The following TRPM3 variants were observed in gnomAD, a reference collection of about 807,000 sequenced individuals.
TRPM3 encodes long transient receptor potential channel 3.
Under a neutral mutation model 181.2 loss-of-function variants are expected in TRPM3, and 77 were observed. That is an observed-to-expected ratio of 0.42 (90% CI 0.35 to 0.51). TRPM3 has a LOEUF of 0.51. TRPM3 is among the 20% of genes least tolerant of loss of function. The pLI is 0.01. For missense variants in TRPM3, 1,759 were observed against 2,196.7 expected (o/e 0.80, Z 3.98); for synonymous variants, 745 against 796.4 (o/e 0.94, Z 1.09).
chr9:70,971,194 A>T (rs1018655877), intron 1 of TRPM3, among the ~76,000 whole-genome samples: 3 of 152,184 alleles, frequency 2.0e-5, no homozygotes, highest in Non-Finnish European at 4.4e-5. Flanking sequence ...CTGTATAATA[A>T]AAAATCCAAA....
chr9:71,358,057 T>G (rs1169528235), intron 1 of TRPM3, among the ~76,000 whole-genome samples: 2 of 152,136 alleles, frequency 1.3e-5, no homozygotes, highest in African/African-American at 4.8e-5. Flanking sequence ...TTTATTGTAT[T>G]TTAAGAGAAC....
chr9:71,147,761 A>C (rs1374707531), intron 1 of TRPM3, among the ~76,000 whole-genome samples: 1 of 152,156 alleles, frequency 6.6e-6, no homozygotes, highest in Non-Finnish European at 1.5e-5. Context: ...AGTTCTCAGA[A>C]ATAGAAAATG....
At chr9:71,232,644 G>C (rs147014395) in intron 1 of TRPM3, among the ~76,000 whole-genome samples, 373 of 151,942 alleles carry the variant, frequency 2.5e-3, no homozygotes, top group African/African-American at 8.6e-3. Flanking sequence ...GGGACTACAG[G>C]TGCATGCCAC....
In TRPM3 at chr9:70,532,223, C is replaced by G. The variant is rs2040978913; in HGVS notation, c.*3730G>C. 6.6e-6 allele frequency: 1 copy of G among 152,178 alleles called. No individual in the cohort carries two copies. Among genetic ancestry groups the G allele is most frequent in the Non-Finnish European group, 1.5e-5 (1 of 68,026 alleles). The allele number at this position is 152,178 out of a possible 1,614,324, so 9.4% of individuals were successfully genotyped here. ...AAACATTCAGGAAGATTAGACTGTACAGACTCAGAAAGTAAAAAAGTACTA... is the reference window on the plus strand; with the variant it reads ...AAACATTCAGGAAGATTAGACTGTAGAGACTCAGAAAGTAAAAAAGTACTA... On this transcript the variant is annotated 3_prime_UTR_variant, in exon 26 of 26. Coordinates refer to ENST00000677713, the MANE Select transcript of TRPM3 (RefSeq NM_001366145.2).
chr9:70,692,104 G>A (rs1054508561), intron 8 of TRPM3, among the ~76,000 whole-genome samples: 10 of 152,222 alleles, frequency 6.6e-5, no homozygotes, highest in Admixed American at 4.6e-4. Context: ...AGTTTGTGGG[G>A]GGAAGGGGAG....
At chr9:71,395,908 A>ACATT (rs1339092439) in intron 1 of TRPM3, among the ~76,000 whole-genome samples, 1 of 152,224 alleles carries the variant, frequency 6.6e-6, no homozygotes, top group Non-Finnish European at 1.5e-5. Flanking sequence ...TCTACTGGGT[A>ACATT]TGAATTTGGG....
intron 25 of TRPM3, among the ~76,000 whole-genome samples, chr9:70,538,800 AT>A (rs1224555102): frequency 6.6e-6 from 1 of 152,192 alleles, no homozygotes; most frequent in East Asian, 1.9e-4. Flanking sequence ...GTGTCAACAA[AT>A]GGGTCAATGA....
At chr9:71,420,615 AAGAC>A (rs1486929852) in intron 1 of TRPM3, among the ~76,000 whole-genome samples, 21 of 146,172 alleles carry the variant, frequency 1.4e-4, no homozygotes, top group Admixed American at 3.4e-4. Flanking sequence ...GAAAGAAAGA[AAGAC>A]AGAAAAAGAA....
chr9:71,217,100 G>C lies in TRPM3; in HGVS notation c.183+229553C>G, dbSNP rs551414110. ...CGAGTAGCTGGGACTACAGGCGCCCGCTACCACGCCCGGCTAATTTTTTGT... is the reference window on the plus strand; with the variant it reads ...CGAGTAGCTGGGACTACAGGCGCCCCCTACCACGCCCGGCTAATTTTTTGT... On this transcript the variant is annotated intron_variant, in intron 1 of 24. Coordinates refer to the TRPM3 transcript ENST00000357533. 3.3e-5 allele frequency among the ~76,000 whole-genome samples: 5 copies of C among 151,094 alleles called. No homozygotes were observed. The South Asian group carries it at 1.0e-3, about 32-fold the overall frequency.
intron 1 of TRPM3, among the ~76,000 whole-genome samples, chr9:71,261,307 C>T (rs1287990935): frequency 6.6e-6 from 1 of 152,154 alleles, no homozygotes; most frequent in African/African-American, 2.4e-5. Context: ...GCTATTGATA[C>T]TTGTGTATGC....
At chr9:70,991,066 C>A (rs947930615) in intron 1 of TRPM3, among the ~76,000 whole-genome samples, 1 of 152,110 alleles carries the variant, frequency 6.6e-6, no homozygotes, top group African/African-American at 2.4e-5. Flanking sequence ...TCACCTGAAC[C>A]AGAATGAAAT....
intron 1 of TRPM3, among the ~76,000 whole-genome samples, chr9:71,132,052 C>A (rs182583255): frequency 4.4e-4 from 67 of 152,276 alleles, no homozygotes; most frequent in African/African-American, 1.5e-3. Flanking sequence ...ACTGAATTAC[C>A]TATCAGCCAT....
chr9:70,625,206 G>C lies in TRPM3; in HGVS notation c.1794C>G (p.Leu598=). Residue 598 remains leucine (L), a synonymous_variant, in exon 14 of 26, where the codon CTC becomes CTG. Transcript: ENST00000677713. This position sits in a 1 kb window ranked among gnomAD's most constrained non-coding sequence, Gnocchi z 4.8. Reference sequence around the variant, plus strand: ...CCAGCCTCACCCTCTTGGGGCCGAAGAGGTTGTGGTAGAGGGTCCGGAAGC... The same window carrying C: ...CCAGCCTCACCCTCTTGGGGCCGAACAGGTTGTGGTAGAGGGTCCGGAAGC... ...RKRFRTLYHN[L]FGPKRPKALK... The C allele has an allele frequency of 6.2e-7, 1 of 1,614,112 alleles. No individual in the cohort carries two copies. Among genetic ancestry groups the C allele is most frequent in the Non-Finnish European group, 8.5e-7 (1 of 1,180,016 alleles).
chr9:71,365,793 T>C (rs2092316202), intron 1 of TRPM3, among the ~76,000 whole-genome samples: 1 of 152,298 alleles, frequency 6.6e-6, no homozygotes, highest in African/African-American at 2.4e-5. Flanking sequence ...AATAAGTATA[T>C]AGCACCTATT....
intron 6 of TRPM3, chr9:70,793,807 T>C (rs573491085): frequency 2.3e-5 from 8 of 351,714 alleles, no homozygotes; most frequent in African/African-American, 1.1e-4. Context: ...ATCATACTTC[T>C]AGTACTCATA....
At chr9:70,569,579 G>A (rs1440371621) in intron 22 of TRPM3, among the ~76,000 whole-genome samples, 1 of 152,210 alleles carries the variant, frequency 6.6e-6, no homozygotes, top group African/African-American at 2.4e-5. Flanking sequence ...TTTAGGAATA[G>A]CAGGCAAAGG....
intron 1 of TRPM3, among the ~76,000 whole-genome samples, chr9:71,281,324 A>G (rs941899400): frequency 3.9e-5 from 6 of 152,238 alleles, no homozygotes; most frequent in African/African-American, 1.4e-4. Context: ...CATTAAGAAC[A>G]GTTCATAAGC....
intron 1 of TRPM3, among the ~76,000 whole-genome samples, chr9:71,379,584 C>A (rs2092747110): frequency 6.6e-6 from 1 of 151,946 alleles, no homozygotes; most frequent in East Asian, 1.9e-4. Context: ...ATAGCCTCAC[C>A]CACTTAATTG....
At chr9:71,252,012 G>C (rs538020208) in intron 1 of TRPM3, among the ~76,000 whole-genome samples, 1 of 152,042 alleles carries the variant, frequency 6.6e-6, no homozygotes, top group Non-Finnish European at 1.5e-5. Context: ...AGTTCCATCC[G>C]TGTTGTTGCC....
Sources: gnomAD v4.1 joint callset for allele counts (sites outside exome capture counted in the v4.1 genomes callset) on GRCh38, gnomAD v4.1.1 for gene constraint, Gnocchi (gnomAD v3.1) non-coding constraint, MANE v1.5 for transcripts, NCBI Gene and HGNC (gene_info 2026-07-23, HGNC 2026-07-21) for gene names.